Variants in FGGY observed in about 807,000 individuals in gnomAD.
The protein encoded by FGGY is FGGY carbohydrate kinase domain containing, also known as FGGY carbohydrate kinase domain-containing protein.
A neutral mutation model predicts 71.3 loss-of-function variants in FGGY; 72 were observed. The observed-to-expected ratio is 1.01, with a 90% CI of 0.84 to 1.23. The LOEUF (loss-of-function observed/expected upper bound fraction) is 1.23. FGGY is among the 50% of genes most tolerant of loss of function. The pLI, the probability that FGGY is intolerant of heterozygous loss-of-function variation, is 0.00. For missense variants in FGGY, 668 were observed against 682.3 expected (o/e 0.98, Z 0.23); for synonymous variants, 251 against 250.3 (o/e 1.00, Z -0.02).
chr1:59,585,906 T>G (rs909651543), intron 8 of FGGY, among the ~76,000 whole-genome samples: 1 of 152,154 alleles, frequency 6.6e-6, no homozygotes, highest in African/African-American at 2.4e-5. Context: ...AAAAGGCACA[T>G]GAAAAAATGC....
intron 2 of FGGY, among the ~76,000 whole-genome samples, chr1:59,336,527 G>A (rs1188951270): frequency 6.8e-6 from 1 of 146,642 alleles, no homozygotes; most frequent in African/African-American, 2.6e-5. Flanking sequence ...TGCAGAAAGT[G>A]CAGGTTTGTT....
chr1:59,378,792 A>G lies in FGGY; in HGVS notation c.509A>G (p.Asp170Gly). 6.2e-7 allele frequency: 1 copy of G among 1,613,562 alleles called. No individual in the cohort carries two copies. Among genetic ancestry groups the G allele is most frequent in the East Asian group, 2.2e-5 (1 of 44,860 alleles). ...TGGGATAAGGCGGGACATTTCTTTGATCTCCCGGACTTCTTATCGTGGAAG... is the reference window on the plus strand; with the variant it reads ...TGGGATAAGGCGGGACATTTCTTTGGTCTCCCGGACTTCTTATCGTGGAAG... The part of the protein sequence containing the change: ...ICWDKAGHFF[D>G]LPDFLSWKAT... Residue 170 changes from aspartate (D) to glycine (G), a missense_variant, in exon 5 of 16, where the codon GAT becomes GGT. Asp to Gly is a moderately conservative substitution (Grantham distance 94, BLOSUM62 -1). Transcript: ENST00000303721.
At chr1:59,660,141 C>A in intron 11 of FGGY, 78 bp from the exon 12 acceptor site, 3 of 1,280,548 alleles carry the variant, frequency 2.3e-6, no homozygotes, top group Non-Finnish European at 2.3e-6. Flanking sequence ...CACATCTGAA[C>A]GTATTTCATG....
chr1:59,557,545 G>A (rs1367637513), intron 8 of FGGY, among the ~76,000 whole-genome samples: 1 of 152,214 alleles, frequency 6.6e-6, no homozygotes, highest in Non-Finnish European at 1.5e-5. Context: ...TAAGGCCTTT[G>A]ATATTTTAGA....
At chr1:59,528,351 C>T (rs1484722830) in intron 7 of FGGY, among the ~76,000 whole-genome samples, 2 of 152,162 alleles carry the variant, frequency 1.3e-5, no homozygotes, top group African/African-American at 4.8e-5. Flanking sequence ...TCTCACCACC[C>T]CCATTTAAAG....
intron 11 of FGGY, among the ~76,000 whole-genome samples, chr1:59,658,425 G>A (rs1425685693): frequency 6.6e-6 from 1 of 152,160 alleles, no homozygotes; most frequent in Non-Finnish European, 1.5e-5. Flanking sequence ...AAAAATCAAA[G>A]CCATCATTCT....
intron 9 of FGGY, among the ~76,000 whole-genome samples, chr1:59,617,419 A>G (rs1232258314): frequency 1.3e-5 from 2 of 152,138 alleles, no homozygotes; most frequent in Non-Finnish European, 2.9e-5. Flanking sequence ...TTTAAAAAAA[A>G]TCTTCATCTG....
At chr1:59,425,663 A>T (rs534976163) in intron 5 of FGGY, among the ~76,000 whole-genome samples, 2 of 152,278 alleles carry the variant, frequency 1.3e-5, no homozygotes, top group South Asian at 4.1e-4. Flanking sequence ...GCCTCTGTCT[A>T]ATTCTTTTAC....
chr1:59,653,539 C>G (rs987796224), intron 11 of FGGY, among the ~76,000 whole-genome samples: 55 of 152,190 alleles, frequency 3.6e-4, no homozygotes, highest in Non-Finnish European at 1.0e-4. Flanking sequence ...TCACCCCTTT[C>G]TTTGACTCGG....
intron 5 of FGGY, among the ~76,000 whole-genome samples, chr1:59,381,899 G>A (rs1263316084): frequency 6.6e-6 from 1 of 152,164 alleles, no homozygotes; most frequent in African/African-American, 2.4e-5. Flanking sequence ...CATTGAGTGT[G>A]AAATTGTGGC....
At chr1:59,684,830 G>A (rs923927295) in intron 14 of FGGY, among the ~76,000 whole-genome samples, 1 of 152,170 alleles carries the variant, frequency 6.6e-6, no homozygotes, top group Admixed American at 6.5e-5. Flanking sequence ...TCTGATCTCA[G>A]TTCCATATTA....
intron 8 of FGGY, among the ~76,000 whole-genome samples, chr1:59,585,689 G>C (rs2096273011): frequency 1.3e-5 from 2 of 152,160 alleles, no homozygotes; most frequent in African/African-American, 4.8e-5. Context: ...TTAAACTAAA[G>C]AGCTTCTGCA....
intron 8 of FGGY, among the ~76,000 whole-genome samples, chr1:59,590,542 A>C (rs1420066272): frequency 6.6e-6 from 1 of 152,182 alleles, no homozygotes. Context: ...ATCCTCAATA[A>C]AATACTGGCA....
chr1:59,604,341 T>C (rs965273572), intron 8 of FGGY, among the ~76,000 whole-genome samples: 3 of 152,160 alleles, frequency 2.0e-5, no homozygotes, highest in African/African-American at 7.2e-5. Flanking sequence ...TAGGAATTCC[T>C]AGATTCTTCT....
intron 1 of FGGY, among the ~76,000 whole-genome samples, chr1:59,321,248 T>A (rs1214378077): frequency 6.6e-6 from 1 of 152,190 alleles, no homozygotes; most frequent in Non-Finnish European, 1.5e-5. Context: ...GTACTTGCCC[T>A]TACAGCACTC....
chr1:59,403,094 A>G (rs1018155400), intron 5 of FGGY, among the ~76,000 whole-genome samples: 2 of 152,178 alleles, frequency 1.3e-5, no homozygotes, highest in African/African-American at 4.8e-5. Flanking sequence ...AGAGTTGTGG[A>G]AGAAAGGGAC....
At chr1:59,455,979 C>T (rs747367357) in intron 5 of FGGY, among the ~76,000 whole-genome samples, 45 of 152,304 alleles carry the variant, frequency 3.0e-4, no homozygotes, top group African/African-American at 3.1e-4. Context: ...AAGCATCTAG[C>T]GTTCAAGTCT....
chr1:59,666,344 A>T (rs1203187674), intron 12 of FGGY, among the ~76,000 whole-genome samples: 2 of 151,806 alleles, frequency 1.3e-5, no homozygotes, highest in Admixed American at 1.3e-4. Context: ...CTCAAACATC[A>T]CCATGTGGCT....
At chr1:59,321,788 C>T in intron 2 of FGGY, 38 bp downstream of exon 2, 1 of 1,574,132 alleles carries the variant, frequency 6.4e-7, no homozygotes, top group Non-Finnish European at 8.7e-7. Context: ...TGTTCATATT[C>T]CTACCTGCTG....
Sources: gnomAD v4.1 joint callset for allele counts (sites outside exome capture counted in the v4.1 genomes callset) on GRCh38, gnomAD v4.1.1 for gene constraint, MANE v1.5 for transcripts, NCBI Gene and HGNC (gene_info 2026-07-23, HGNC 2026-07-21) for gene names.